MAP3K2: variants seen among roughly 807,000 people sequenced by gnomAD.
MAP3K2 encodes MAP/ERK kinase kinase 2.
In MAP3K2, 24 loss-of-function variants were observed where a neutral mutation model predicts 80.3. That is an observed-to-expected ratio of 0.30 (90% CI 0.22 to 0.42). The LOEUF is 0.42. MAP3K2 is among the 10% of genes least tolerant of loss of function. The pLI, the probability that MAP3K2 is intolerant of heterozygous loss-of-function variation, is 1.00. For missense variants in MAP3K2, 608 were observed against 750.1 expected, an observed-to-expected ratio of 0.81 and a Z score of 2.21; for synonymous variants, 244 against 253.7, an observed-to-expected ratio of 0.96 and a Z score of 0.36.
intron 2 of MAP3K2, 40 bp downstream of exon 2, chr2:127,343,086 C>T: frequency 1.3e-6 from 2 of 1,525,402 alleles, no homozygotes; most frequent in Non-Finnish European, 1.8e-6. Flanking sequence ...CCATTCTATC[C>T]TTTAATTATT....
intron 15 of MAP3K2, among the ~76,000 whole-genome samples, chr2:127,312,133 C>T (rs1312504942): frequency 1.3e-5 from 2 of 152,222 alleles, no homozygotes; most frequent in Non-Finnish European, 2.9e-5. Context: ...TAAGTGATAT[C>T]AGCAGCTATT....
intron 1 of MAP3K2, among the ~76,000 whole-genome samples, chr2:127,347,085 C>G (rs1447158113): frequency 6.6e-6 from 1 of 152,046 alleles, no homozygotes; most frequent in Non-Finnish European, 1.5e-5. Context: ...CCCTTTTATG[C>G]TCAAAAGATA....
In MAP3K2 at chr2:127,317,653, G is replaced by C. The variant is rs1302840926; in HGVS notation, c.1302C>G (p.Ser434=). The C allele has an allele frequency of 6.3e-7, 1 of 1,580,302 alleles. No homozygotes were observed. Among genetic ancestry groups the C allele is most frequent in the Non-Finnish European group, 8.6e-7 (1 of 1,161,658 alleles). ...CLRDPQEKTL[S]IFMEYMPGGS... is the part of the protein sequence containing the mutation. ...CCCCTGGCATATATTCCATAAATAT[G>C]GAAAGTGTTTTTTCCTGGGGATCCC... The change falls in exon 14 of 17, where the codon TCC becomes TCG. Residue 434 remains serine, a synonymous_variant. Transcript: ENST00000682094.
At position 127,318,045 on chromosome 2, in the gene MAP3K2, CT is replaced by C. The variant is rs1685941195; in HGVS notation, c.1194+123del. On this transcript the variant is annotated intron_variant, in intron 13 of 16. Transcript: ENST00000682094. Reference sequence around the variant, plus strand: ...TACAAATAATTTATACTAAAGAAAACTGCTTTTTTTTTTTTTTGAAAAAAAA... The same window carrying C: ...TACAAATAATTTATACTAAAGAAAACGCTTTTTTTTTTTTTTGAAAAAAAA... 5.3e-6 allele frequency: 4 copies of C among 749,114 alleles called. No homozygotes were observed. In the Admixed American group the frequency reaches 1.7e-4, roughly 32 times the overall value. 46.4% of individuals were successfully genotyped at this position (749,114 alleles called of 1,614,324 possible). A position where few individuals can be genotyped will look rare whatever the true frequency, so the allele number is the denominator to read the frequency against.
rs1415195517 is a variant in MAP3K2 at position 127,310,566 on chromosome 2, G to A, written c.1457-1804C>T. Among the ~76,000 whole-genome samples, 1 of 152,096 alleles carries A rather than the reference G, an allele frequency of 6.6e-6. No homozygotes were observed. The highest frequency in any genetic ancestry group is 1.5e-5 in the Non-Finnish European group (1 of 68,030). ...ACTTGGGGGCTGAGGCTGAAGGATCGCTTAAGCCCAGAGGGCCAAGGCTGC... is the reference window on the plus strand; with the variant it reads ...ACTTGGGGGCTGAGGCTGAAGGATCACTTAAGCCCAGAGGGCCAAGGCTGC... On this transcript the variant is annotated intron_variant, in intron 15 of 16. Transcript: ENST00000682094. The surrounding 1 kb of genome is among the most constrained non-coding windows in gnomAD (Gnocchi z 4.8).
At chr2:127,343,356 T>C (rs977871725) in intron 1 of MAP3K2, 162 bp from the exon 2 acceptor site, 10 of 467,830 alleles carry the variant, frequency 2.1e-5, no homozygotes, top group African/African-American at 5.9e-5. Flanking sequence ...AGGTTGATCA[T>C]GTAGGCACCC....
At chr2:127,341,594 G>A (rs867295668) in intron 2 of MAP3K2, among the ~76,000 whole-genome samples, 14 of 142,848 alleles carry the variant, frequency 9.8e-5, no homozygotes, top group Non-Finnish European at 2.0e-4. Flanking sequence ...GTGCAGTGGC[G>A]TGATCTCGGC....
chr2:127,385,034 G>A (rs943554727), intron 1 of MAP3K2, among the ~76,000 whole-genome samples: 2 of 152,168 alleles, frequency 1.3e-5, no homozygotes, highest in Non-Finnish European at 2.9e-5. Flanking sequence ...AAACTTAGTT[G>A]ATAAAGCAAC....
rs556295627 is a variant in MAP3K2 at position 127,368,049 on chromosome 2, T to C, written c.-66+19403A>G. ...TAAAATGGCAAGTATCGGCTGGGCA[T>C]GGTGGCTCACGCCTGTAATCCCAGC... On this transcript the variant is annotated intron_variant, in intron 1 of 16. Coordinates refer to ENST00000682094, the MANE Select transcript of MAP3K2 (RefSeq NM_001371910.2). 1.3e-3 allele frequency among the ~76,000 whole-genome samples: 201 copies of C among 152,222 alleles called. 2 individuals are homozygous for C. The highest frequency in any genetic ancestry group is 4.1e-3 in the African/African-American group (170 of 41,540).
Position 127,364,310 on chromosome 2 carries a change from G to A in MAP3K2, c.-65-21116C>T, listed in dbSNP as rs1686936129. Among the ~76,000 whole-genome samples the A allele has an allele frequency of 6.6e-6, 1 of 152,186 alleles. No homozygotes were observed. The highest frequency in any genetic ancestry group is 2.4e-5 in the African/African-American group (1 of 41,454). ...TAATCAAAAAAAGCAAAGAGTAGGAGTCAATAGGTTCTGAGTTATACTACG... is the reference window on the plus strand; with the variant it reads ...TAATCAAAAAAAGCAAAGAGTAGGAATCAATAGGTTCTGAGTTATACTACG... On this transcript the variant is annotated intron_variant, in intron 1 of 16. Coordinates refer to ENST00000682094, the MANE Select transcript of MAP3K2 (RefSeq NM_001371910.2). The surrounding 1 kb of genome is among the most constrained non-coding windows in gnomAD (Gnocchi z 4.1).
intron 16 of MAP3K2, among the ~76,000 whole-genome samples, 182 bp downstream of exon 16, chr2:127,308,403 C>A (rs1303007300): frequency 6.6e-6 from 1 of 152,198 alleles, no homozygotes; most frequent in African/African-American, 2.4e-5. Flanking sequence ...TTCAAGGATT[C>A]TAACTATTTA....
intron 1 of MAP3K2, among the ~76,000 whole-genome samples, chr2:127,384,177 G>A (rs958001426): frequency 6.6e-6 from 1 of 150,800 alleles, no homozygotes; most frequent in South Asian, 2.1e-4. Flanking sequence ...TTACAGGCGT[G>A]AGCCACCGTG....
rs1036548171 is a variant in MAP3K2 at position 127,306,154 on chromosome 2, T to G, written c.*1425A>C. The G allele has an allele frequency of 6.6e-6, 1 of 152,182 alleles. No homozygotes were observed. Among genetic ancestry groups the G allele is most frequent in the African/African-American group, 2.4e-5 (1 of 41,462 alleles). The allele number at this position is 152,182 out of a possible 1,614,324, so 9.4% of individuals were successfully genotyped here. A position where few individuals can be genotyped will look rare whatever the true frequency, so the allele number is the denominator to read the frequency against. ...ATCTGATCTTGTAAAATCCTCAATT[T>G]GCATTACATCACTTTCTCTTTGCGA... is the stretch of plus-strand genomic sequence containing the variant. On this transcript the variant is annotated 3_prime_UTR_variant, in exon 17 of 17. Coordinates refer to ENST00000682094, the MANE Select transcript of MAP3K2 (RefSeq NM_001371910.2). This position sits in a 1 kb window ranked among gnomAD's most constrained non-coding sequence, Gnocchi z 4.7.
At chr2:127,333,795 A>T (rs1686310610) in intron 5 of MAP3K2, among the ~76,000 whole-genome samples, 1 of 151,160 alleles carries the variant, frequency 6.6e-6, no homozygotes, top group Admixed American at 6.6e-5. Flanking sequence ...AAATGGGAAA[A>T]GGTTCTTAAA....
At chr2:127,317,064 T>C (rs1295445908) in intron 14 of MAP3K2, 1 of 151,200 alleles carries the variant, frequency 6.6e-6, no homozygotes, top group Non-Finnish European at 1.5e-5. Context: ...TTTTTTTTTT[T>C]CAAATTCTTC....
At chr2:127,337,224 C>T (rs1686391281) in intron 4 of MAP3K2, among the ~76,000 whole-genome samples, 1 of 152,098 alleles carries the variant, frequency 6.6e-6, no homozygotes, top group Non-Finnish European at 1.5e-5. Flanking sequence ...ATCATTTGTG[C>T]ACTGAGATAC....
Position 127,362,509 on chromosome 2 carries a change from A to C in MAP3K2, c.-65-19315T>G, listed in dbSNP as rs1686909083. 5.9e-5 allele frequency among the ~76,000 whole-genome samples: 9 copies of C among 152,260 alleles called. No homozygotes were observed. In the South Asian group the frequency reaches 1.9e-3, roughly 32 times the overall value. On this transcript the variant is annotated intron_variant, in intron 1 of 16. Coordinates refer to ENST00000682094, the MANE Select transcript of MAP3K2 (RefSeq NM_001371910.2). ...ATGTTTACAAATGTTTACAAATCTT[A>C]ATTTTTTTTCTATATTTGATTATTT...
At chr2:127,330,244 TTAAAG>T in intron 6 of MAP3K2, 143 bp downstream of exon 6, 2 of 583,766 alleles carry the variant, frequency 3.4e-6, no homozygotes, top group Non-Finnish European at 6.0e-6. Flanking sequence ...AGTAAGGATA[TTAAAG>T]TATAGTAATT....
In MAP3K2 at chr2:127,339,658, T is replaced by G. The variant is rs1686439609; in HGVS notation, c.5-608A>C. Among the ~76,000 whole-genome samples the G allele has an allele frequency of 6.6e-6, 1 of 152,136 alleles. No individual in the cohort carries two copies. The highest frequency in any genetic ancestry group is 6.5e-5 in the Admixed American group (1 of 15,272). On this transcript the variant is annotated intron_variant, in intron 2 of 16. Coordinates refer to ENST00000682094, the MANE Select transcript of MAP3K2 (RefSeq NM_001371910.2). This position sits in a 1 kb window ranked among gnomAD's most constrained non-coding sequence, Gnocchi z 4.2. The stretch of plus-strand genomic sequence containing the variant: ...CAACAATGTAAGAAAATTCCTTTCC[T>G]TAGAAAAAGTACCAAGTCCATAAAA...
Sources: allele counts gnomAD v4.1 joint callset (sites outside exome capture counted in the v4.1 genomes callset), GRCh38; gene constraint gnomAD v4.1.1; non-coding constraint Gnocchi (gnomAD v3.1); transcripts MANE v1.5; gene names NCBI Gene and HGNC (gene_info 2026-07-23, HGNC 2026-07-21).